ACACA: variants seen among roughly 807,000 people sequenced by gnomAD.
ACACA encodes the protein acetyl-CoA carboxylase alpha.
Under a neutral mutation model 296.1 loss-of-function variants are expected in ACACA, and 103 were observed. The ratio of observed to expected loss-of-function variants is 0.35; its 90% confidence interval spans 0.30 to 0.41. The LOEUF (loss-of-function observed/expected upper bound fraction) is 0.41, where lower values mean the gene tolerates loss of function less well. Among genes scored for constraint, ACACA ranks in the 10% least tolerant of loss-of-function variants. The pLI is 1.00. For synonymous variants in ACACA, 953 were observed against 1,038.6 expected, an observed-to-expected ratio of 0.92 and a Z score of 1.58; for missense variants, 1,554 against 2,989.7, an observed-to-expected ratio of 0.52 and a Z score of 11.20.
intron 38 of ACACA, among the ~76,000 whole-genome samples, chr17:37,189,966 G>A (rs2077684206): frequency 6.6e-6 from 1 of 151,510 alleles, no homozygotes. Flanking sequence ...CTTGAGGCCA[G>A]GAGTTCAAGA....
intron 1 of ACACA, among the ~76,000 whole-genome samples, chr17:37,399,832 T>C (rs944347166): frequency 2.0e-4 from 30 of 152,156 alleles, no homozygotes; most frequent in Non-Finnish European, 4.1e-4. Context: ...TTTGGACAGA[T>C]CTGGTTTTTT....
chr17:37,210,906 T>C (rs1239505466), intron 29 of ACACA, among the ~76,000 whole-genome samples: 1 of 152,182 alleles, frequency 6.6e-6, no homozygotes, highest in Non-Finnish European at 1.5e-5. Flanking sequence ...TTCTTGTTCC[T>C]ATTACTGAAG....
chr17:37,282,748 C>G (rs1222242103), intron 5 of ACACA, among the ~76,000 whole-genome samples: 1 of 151,952 alleles, frequency 6.6e-6, no homozygotes, highest in African/African-American at 2.4e-5. Flanking sequence ...TCAGCTATAC[C>G]AACAGTCTTT....
chr17:37,213,348 C>CAAAAAAAAAAAAAA (rs11353673), intron 29 of ACACA, among the ~76,000 whole-genome samples: 1 of 78,616 alleles, frequency 1.3e-5, no homozygotes, highest in African/African-American at 3.8e-5. Context: ...AAGTAAGTCT[C>CAAAAAAAAAAAAAA]AAAAAAAAAA....
Position 37,130,128 on chromosome 17 carries a change from C to T in ACACA, c.5770G>A (p.Asp1924Asn). 6.2e-7 allele frequency: 1 copy of T among 1,614,178 alleles called. No homozygotes were observed. The highest frequency in any genetic ancestry group is 8.5e-7 in the Non-Finnish European group (1 of 1,180,016). Residue 1924 changes from aspartate to asparagine, a missense_variant, in exon 46 of 56, where the codon GAT (aspartate) becomes AAT (asparagine). Asp to Asn is a conservative substitution (Grantham distance 23). Coordinates refer to ENST00000616317, the MANE Select transcript of ACACA (RefSeq NM_198834.3). ...NNGVTHCTVC[D>N]DFEGVFTVLH... ...ACAGTGAAAACCCCTTCAAAGTCAT[C>T]ACACACAGTGCAGTGGGTCACCCCA...
chr17:37,129,434 T>A lies in ACACA; in HGVS notation c.5875A>T (p.Ile1959Phe), dbSNP rs756931447. 1.7e-5 allele frequency: 28 copies of A among 1,614,118 alleles called. No individual in the cohort carries two copies. The East Asian group carries it at 6.0e-4, about 35-fold the overall frequency. The change falls in exon 47 of 56, where the codon ATC becomes TTC. Residue 1959 changes from isoleucine to phenylalanine, a missense_variant. Physicochemically the swap from Ile to Phe is conservative, Grantham distance 21 (BLOSUM62 0). This residue lies in a region of ACACA where 553 missense variants were observed against 1,043.6 expected (regional missense o/e 0.53). Transcript: ENST00000616317. ...LLNSKDPIDR[I>F]IEFVPTKTPY... Reference sequence around the variant, plus strand: ...GTCTTTGTGGGAACAAACTCGATGATTCTGTCTATAGGATCCTTTGAGTTC... The same window carrying A: ...GTCTTTGTGGGAACAAACTCGATGAATCTGTCTATAGGATCCTTTGAGTTC...
intron 33 of ACACA, 69 bp from the exon 34 acceptor site, chr17:37,200,552 G>T (rs1045686833): frequency 6.9e-7 from 1 of 1,447,492 alleles, no homozygotes; most frequent in Non-Finnish European, 9.7e-7. Flanking sequence ...TATCCCATTC[G>T]GCCCTTGTAA....
intron 6 of ACACA, 58 bp from the exon 7 acceptor site, chr17:37,277,172 G>A (rs2082317890): frequency 6.8e-7 from 1 of 1,466,896 alleles, no homozygotes; most frequent in Non-Finnish European, 9.6e-7. Context: ...CCCACAAACT[G>A]CAAGAGTCTC....
At position 37,207,758 on chromosome 17, in the gene ACACA, A is replaced by G; in HGVS notation, c.3750T>C (p.His1250=). The G allele has an allele frequency of 6.2e-7, 1 of 1,613,858 alleles. No homozygotes were observed. Among genetic ancestry groups the G allele is most frequent in the Non-Finnish European group, 8.5e-7 (1 of 1,179,758 alleles). ...ACAGTACATCGCTGACACTAGCTACATGGGTCATGCCATAGTGGTTGAGGT... is the reference window on the plus strand; with the variant it reads ...ACAGTACATCGCTGACACTAGCTACGTGGGTCATGCCATAGTGGTTGAGGT... ...SSNLNHYGMT[H]VASVSDVLLD... The change falls in exon 31 of 56, where the codon CAT becomes CAC. Residue 1250 remains histidine, a synonymous_variant. Transcript: ENST00000616317.
intron 52 of ACACA, among the ~76,000 whole-genome samples, chr17:37,107,082 G>A (rs78814595): frequency 2.1e-3 from 316 of 152,244 alleles, no homozygotes; most frequent in African/African-American, 7.1e-3. Flanking sequence ...AGAAAGCCTC[G>A]TGTTATTTCT....
chr17:37,185,804 G>C (rs1473912300), intron 39 of ACACA, among the ~76,000 whole-genome samples: 2 of 147,112 alleles, frequency 1.4e-5, no homozygotes, highest in East Asian at 4.2e-4. Context: ...CCTGACCTCA[G>C]GTGATCCATC....
At chr17:37,212,341 G>C (rs1171915952) in intron 29 of ACACA, among the ~76,000 whole-genome samples, 1 of 152,136 alleles carries the variant, frequency 6.6e-6, no homozygotes, top group African/African-American at 2.4e-5. Context: ...ACAACAAAAA[G>C]CCAGGCTTTC....
At chr17:37,228,607 A>G (rs1372914038) in intron 25 of ACACA, among the ~76,000 whole-genome samples, 1 of 152,202 alleles carries the variant, frequency 6.6e-6, no homozygotes. Context: ...AGACAGAAGG[A>G]AAGAATTGAC....
intron 1 of ACACA, among the ~76,000 whole-genome samples, chr17:37,405,145 A>G (rs2051428632): frequency 6.6e-6 from 1 of 152,168 alleles, no homozygotes; most frequent in Non-Finnish European, 1.5e-5. Flanking sequence ...CTCTCATTAA[A>G]TGATCAGATA....
chr17:37,244,825 G>A (rs773397105), intron 20 of ACACA, 91 bp from the exon 21 acceptor site: 22 of 1,554,506 alleles, frequency 1.4e-5, no homozygotes, highest in Middle Eastern at 1.7e-4. Flanking sequence ...ATTCAAAATC[G>A]AGACATCATA....
intron 54 of ACACA, among the ~76,000 whole-genome samples, chr17:37,095,259 G>A (rs1018504473): frequency 2.6e-5 from 4 of 152,132 alleles, no homozygotes; most frequent in East Asian, 1.9e-4. Flanking sequence ...TTACACTTGC[G>A]TGACTTTCAA....
intron 35 of ACACA, 41 bp downstream of exon 35, chr17:37,200,097 TA>T: frequency 6.8e-7 from 1 of 1,465,512 alleles, no homozygotes; most frequent in Non-Finnish European, 9.6e-7. Flanking sequence ...GGCAGACAAA[TA>T]AAACAGTAAG....
At chr17:37,128,443 G>A (rs1002955489) in intron 47 of ACACA, among the ~76,000 whole-genome samples, 1 of 152,146 alleles carries the variant, frequency 6.6e-6, no homozygotes, top group African/African-American at 2.4e-5. Context: ...AGATCACAAT[G>A]ACTTTTACAC....
intron 45 of ACACA, among the ~76,000 whole-genome samples, chr17:37,143,355 G>C (rs531758723): frequency 6.6e-6 from 1 of 151,110 alleles, no homozygotes; most frequent in South Asian, 2.1e-4. Flanking sequence ...AGCTGCATCA[G>C]AGACAATTGA....
Sources: allele counts gnomAD v4.1 joint callset (sites outside exome capture counted in the v4.1 genomes callset), GRCh38; gene constraint gnomAD v4.1.1; regional missense constraint gnomAD v4.1.1; transcripts MANE v1.5; gene names NCBI Gene and HGNC (gene_info 2026-07-23, HGNC 2026-07-21).